NFASC: variants seen among roughly 807,000 people sequenced by gnomAD.
The protein encoded by NFASC is neurofascin, also known as neurofascin homolog.
A neutral mutation model predicts 147.5 loss-of-function variants in NFASC; 43 were observed. That is an observed-to-expected ratio of 0.29 (90% CI 0.23 to 0.38). The LOEUF is 0.38. Among genes scored for constraint, NFASC ranks in the 10% least tolerant of loss-of-function variants. The probability of loss-of-function intolerance (pLI) is 1.00; values close to 1 mark genes in which losing one functional copy is unlikely to be tolerated. For missense variants in NFASC, 1,320 were observed against 1,689.0 expected (o/e 0.78, Z 3.83); for synonymous variants, 622 against 665.5 (o/e 0.93, Z 1.01).
chr1:204,915,619 A>G (rs1479361101), intron 1 of NFASC, among the ~76,000 whole-genome samples: 1 of 152,232 alleles, frequency 6.6e-6, no homozygotes, highest in Non-Finnish European at 1.5e-5. Context: ...GGGATTAACT[A>G]TTCAAAAAGT....
intron 1 of NFASC, among the ~76,000 whole-genome samples, chr1:204,876,801 T>C (rs2078878475): frequency 6.6e-6 from 1 of 151,860 alleles, no homozygotes; most frequent in South Asian, 2.1e-4. Context: ...CCAGGCTGAA[T>C]AATATTCTAT....
Position 204,944,290 on chromosome 1 carries a change from G to A in NFASC, c.-26G>A, listed in dbSNP as rs2093564138. On this transcript the variant is annotated 5_prime_UTR_variant, in exon 3 of 30. Coordinates refer to ENST00000339876, the MANE Select transcript of NFASC (RefSeq NM_001005388.3). The stretch of plus-strand genomic sequence containing the variant: ...GTGACAAGACCCCGAGTGCTGGGGA[G>A]CAGGGAGCAGGGCCAGGTGCCGAGG... The A allele has an allele frequency of 6.2e-7, 1 of 1,610,440 alleles. No homozygotes were observed. Among genetic ancestry groups the A allele is most frequent in the Non-Finnish European group, 8.5e-7 (1 of 1,178,738 alleles).
chr1:204,984,587 T>A (rs1210087829), intron 21 of NFASC, among the ~76,000 whole-genome samples: 1 of 151,744 alleles, frequency 6.6e-6, no homozygotes, highest in Non-Finnish European at 1.5e-5. Flanking sequence ...TCCCCTCCCC[T>A]CTCCCAATGG....
chr1:204,972,983 C>T (rs1352609964), intron 11 of NFASC, among the ~76,000 whole-genome samples: 1 of 152,232 alleles, frequency 6.6e-6, no homozygotes, highest in Non-Finnish European at 1.5e-5. Flanking sequence ...AAACTCCTTT[C>T]TGTTTCCAAA....
intron 25 of NFASC, chr1:205,000,561 G>A (rs2794862): frequency 0.37 from 57,458 of 153,668 alleles, 10,866 homozygotes; most frequent in East Asian, 0.56. Context: ...CTGGCCACAC[G>A]GCCTTTTTCC....
intron 24 of NFASC, among the ~76,000 whole-genome samples, chr1:204,996,200 T>C (rs559726834): frequency 1.3e-5 from 2 of 152,030 alleles, no homozygotes; most frequent in Admixed American, 6.6e-5. Flanking sequence ...AGGATAGCTT[T>C]GGGTGGGAGA....
intron 1 of NFASC, among the ~76,000 whole-genome samples, chr1:204,902,427 C>G (rs577982907): frequency 6.6e-6 from 1 of 152,158 alleles, no homozygotes; most frequent in Non-Finnish European, 1.5e-5. Flanking sequence ...ATTTATGAGA[C>G]AATTGGAAAT....
intron 11 of NFASC, 48 bp downstream of exon 11, chr1:204,970,795 A>G (rs765658110): frequency 6.2e-7 from 1 of 1,612,526 alleles, no homozygotes; most frequent in Non-Finnish European, 8.5e-7. Context: ...CTCTGCTGTC[A>G]AAGGCTTCAG....
At chr1:204,883,459 C>T (rs191165306) in intron 1 of NFASC, among the ~76,000 whole-genome samples, 22 of 152,338 alleles carry the variant, frequency 1.4e-4, no homozygotes, top group African/African-American at 5.3e-4. Context: ...CAGGGAGCAT[C>T]GACCCCGCTC....
intron 1 of NFASC, 107 bp downstream of exon 1, chr1:204,828,889 C>T: frequency 1.4e-6 from 1 of 706,452 alleles, no homozygotes; most frequent in South Asian, 6.1e-5. Context: ...CTGACCTGCC[C>T]CCTCCCCCTC....
Position 204,954,391 on chromosome 1 carries a change from A to C in NFASC, c.412+7A>C, listed in dbSNP as rs754895340. On this transcript the variant is annotated splice_region_variant and intron_variant, in intron 6 of 29. Transcript: ENST00000339876. The surrounding 1 kb of genome is among the most constrained non-coding windows in gnomAD (Gnocchi z 5.7). The stretch of plus-strand genomic sequence containing the variant: ...ATCCGCCTGCAGGTGTCTAGTGAGT[A>C]GCGTGGGGCAGGGCTGAAATGCCCT... 6.2e-7 allele frequency: 1 copy of C among 1,612,810 alleles called. No individual in the cohort carries two copies. Among genetic ancestry groups the C allele is most frequent in the Non-Finnish European group, 8.5e-7 (1 of 1,179,262 alleles).
chr1:204,932,104 C>T (rs2092413398), intron 2 of NFASC, among the ~76,000 whole-genome samples: 2 of 152,176 alleles, frequency 1.3e-5, no homozygotes, highest in South Asian at 4.1e-4. Flanking sequence ...CCAGACCAGC[C>T]CCTGAGAGGC....
intron 1 of NFASC, among the ~76,000 whole-genome samples, chr1:204,905,994 C>A (rs1333093235): frequency 1.3e-5 from 2 of 152,134 alleles, no homozygotes; most frequent in African/African-American, 4.8e-5. Flanking sequence ...TTTGCATTTC[C>A]CAGACCACCA....
chr1:204,996,868 A>G (rs1046908411), intron 24 of NFASC, among the ~76,000 whole-genome samples: 2 of 152,110 alleles, frequency 1.3e-5, no homozygotes, highest in Non-Finnish European at 2.9e-5. Context: ...TGAGCGATTC[A>G]GCCCGTGCCC....
In NFASC at chr1:205,019,810, T is replaced by G. The variant is rs1163833260; in HGVS notation, c.*3271T>G. The G allele has an allele frequency of 6.6e-6, 1 of 152,258 alleles. No homozygotes were observed. The highest frequency in any genetic ancestry group is 1.5e-5 in the Non-Finnish European group (1 of 68,064). 9.4% of individuals were successfully genotyped at this position (152,258 alleles called of 1,614,324 possible). ...TTCCTGAGCCTCTTTGCTCTGCCTC[T>G]TGGGGCAAGCTCCTTAACCTGTCTG... On this transcript the variant is annotated 3_prime_UTR_variant, in exon 30 of 30. Transcript: ENST00000339876.
At chr1:204,936,923 C>T (rs992661693) in intron 2 of NFASC, among the ~76,000 whole-genome samples, 4 of 152,250 alleles carry the variant, frequency 2.6e-5, no homozygotes, top group Admixed American at 2.6e-4. Flanking sequence ...CAAGCTCCAG[C>T]CATGCTGGCT....
intron 11 of NFASC, among the ~76,000 whole-genome samples, chr1:204,972,800 GATA>G (rs1340211957): frequency 1.1e-4 from 16 of 152,308 alleles, no homozygotes; most frequent in Admixed American, 8.5e-4. Context: ...CGATTAAAAT[GATA>G]ATAACAGTAT....
At chr1:204,967,493 A>G (rs1266415905) in intron 8 of NFASC, among the ~76,000 whole-genome samples, 1 of 152,168 alleles carries the variant, frequency 6.6e-6, no homozygotes, top group Non-Finnish European at 1.5e-5. Flanking sequence ...CATTGATTTC[A>G]GACCCATGAC....
Position 205,019,775 on chromosome 1 carries a change from A to C in NFASC, c.*3236A>C, listed in dbSNP as rs1283097210. ...CAAGAACCACGGTGTGGCTTGAGAA[A>C]CAGTCCTGCTTCCTGAGCCTCTTTG... On this transcript the variant is annotated 3_prime_UTR_variant, in exon 30 of 30. Transcript: ENST00000339876. 6.6e-6 allele frequency: 1 copy of C among 152,186 alleles called. No individual in the cohort carries two copies. The highest frequency in any genetic ancestry group is 6.5e-5 in the Admixed American group (1 of 15,270). The allele number at this position is 152,186 out of a possible 1,614,324, so 9.4% of individuals were successfully genotyped here. A position where few individuals can be genotyped will look rare whatever the true frequency, so the allele number is the denominator to read the frequency against.
Sources: allele counts gnomAD v4.1 joint callset (sites outside exome capture counted in the v4.1 genomes callset), GRCh38; gene constraint gnomAD v4.1.1; non-coding constraint Gnocchi (gnomAD v3.1); transcripts MANE v1.5; gene names NCBI Gene and HGNC (gene_info 2026-07-23, HGNC 2026-07-21).